Variants in SOX5 observed in about 807,000 individuals in gnomAD.
SOX5 encodes the protein transcription factor SOX-5.
In SOX5, 9 loss-of-function variants were observed where a neutral mutation model predicts 92.0. That is an observed-to-expected ratio of 0.10 (90% confidence interval 0.06 to 0.17). The LOEUF is 0.17. Among genes scored for constraint, SOX5 ranks in the 10% least tolerant of loss-of-function variants. The pLI is 1.00. For synonymous variants in SOX5, 344 were observed against 336.3 expected, an observed-to-expected ratio of 1.02 and a Z score of -0.25; for missense variants, 642 against 944.5, an observed-to-expected ratio of 0.68 and a Z score of 4.20.
intron 4 of SOX5, among the ~76,000 whole-genome samples, chr12:24,159,573 A>G (rs899452455): frequency 1.3e-5 from 2 of 152,158 alleles, no homozygotes; most frequent in Admixed American, 1.3e-4. Context: ...AATTAGGCAT[A>G]GAAATGACTT....
chr12:23,893,214 G>A (rs182099400), intron 2 of SOX5, among the ~76,000 whole-genome samples: 284 of 152,254 alleles, frequency 1.9e-3, no homozygotes, highest in South Asian at 9.1e-3. Context: ...TTGGGAGGCC[G>A]ATGTGGGCGG....
rs540374104 is a variant in SOX5, at chr12:23,777,815, C to T, written c.482-22091G>A. On this transcript the variant is annotated intron_variant, in intron 3 of 14. Coordinates refer to ENST00000451604, the MANE Select transcript of SOX5 (RefSeq NM_006940.6). ...TAAGCAGGGGAAATAATTTTATCTT[C>T]CATCACCTTCAACGTACTTGCACTG... is the stretch of plus-strand genomic sequence containing the variant. Among the ~76,000 whole-genome samples, 6 of 152,174 alleles carry T rather than the reference C, an allele frequency of 3.9e-5. No homozygotes were observed. The East Asian group carries it at 1.2e-3, about 29-fold the overall frequency.
intron 1 of SOX5, among the ~76,000 whole-genome samples, chr12:24,534,623 T>C (rs1951478227): frequency 6.6e-6 from 1 of 152,210 alleles, no homozygotes; most frequent in South Asian, 2.1e-4. Context: ...TATCCCTACA[T>C]GAGTGTACCC....
chr12:23,762,607 CA>C (rs746348722), intron 3 of SOX5: 13 of 383,818 alleles, frequency 3.4e-5, no homozygotes, highest in East Asian at 3.1e-4. Context: ...CCTGTTAATA[CA>C]AAAAGAAAAA....
chr12:24,411,170 C>G (rs1244955306), intron 1 of SOX5, among the ~76,000 whole-genome samples: 8 of 151,534 alleles, frequency 5.3e-5, no homozygotes, highest in Admixed American at 5.3e-4. Context: ...TTGCTAAACT[C>G]AAATTAGTTT....
At chr12:24,270,375 T>C (rs1943574875) in intron 3 of SOX5, among the ~76,000 whole-genome samples, 1 of 152,208 alleles carries the variant, frequency 6.6e-6, no homozygotes, top group Non-Finnish European at 1.5e-5. Flanking sequence ...GGGAACTCTT[T>C]ATAAGAACCT....
At chr12:24,043,450 T>C (rs1000244451) in intron 4 of SOX5, among the ~76,000 whole-genome samples, 1 of 152,220 alleles carries the variant, frequency 6.6e-6, no homozygotes, top group Non-Finnish European at 1.5e-5. Context: ...TAAATATATA[T>C]GCTAATGTTT....
intron 2 of SOX5, among the ~76,000 whole-genome samples, chr12:23,871,835 C>T (rs1263431362): frequency 6.6e-6 from 1 of 152,086 alleles, no homozygotes; most frequent in African/African-American, 2.4e-5. Flanking sequence ...TGGGTTCCGG[C>T]ACTGTGCCTA....
rs141403365 is a variant in SOX5 at position 24,032,269 on chromosome 12, G to GA, written c.-1-136246dup. ...GCACAAGAATAACATAAGCCATGGT[G>GA]AAAAAAAAAGGTATCATTACAAATA... is the stretch of plus-strand genomic sequence containing the variant. On this transcript the variant is annotated intron_variant, in intron 4 of 4. Transcript: ENST00000446891. Among the ~76,000 whole-genome samples the GA allele has an allele frequency of 1.9e-4, 29 of 148,960 alleles. No individual in the cohort carries two copies. In the South Asian group the frequency reaches 4.0e-3, roughly 21 times the overall value.
At chr12:24,277,762 G>A (rs942109804) in intron 2 of SOX5, among the ~76,000 whole-genome samples, 4 of 151,832 alleles carry the variant, frequency 2.6e-5, no homozygotes, top group Non-Finnish European at 4.4e-5. Context: ...GTAGATTCTT[G>A]CTGCTCGAAA....
chr12:24,138,983 C>A (rs1026258567), intron 4 of SOX5, among the ~76,000 whole-genome samples: 1 of 152,182 alleles, frequency 6.6e-6, no homozygotes, highest in African/African-American at 2.4e-5. Context: ...CTCAGATGCA[C>A]AATATATCTC....
chr12:23,899,409 G>GAA lies in SOX5; in HGVS notation c.39-3387_39-3386dup, dbSNP rs754805392. 2.7e-4 allele frequency among the ~76,000 whole-genome samples: 32 copies of GAA among 120,050 alleles called. 1 individual carries two copies. In the South Asian group the frequency reaches 3.0e-3, roughly 11 times the overall value. 78.8% of individuals were successfully genotyped at this position (120,050 alleles called of 152,430 possible). A position where few individuals can be genotyped will look rare whatever the true frequency, so the allele number is the denominator to read the frequency against. On this transcript the variant is annotated intron_variant, in intron 1 of 14. Transcript: ENST00000451604. ...AAGCAAAACTCCGTCTGAAAAAAAAGAAAAAAAAAAAAAGGCACCACAAGT... is the reference window on the plus strand; with the variant it reads ...AAGCAAAACTCCGTCTGAAAAAAAAGAAAAAAAAAAAAAAAGGCACCACAAGT...
chr12:23,904,041 T>C (rs1380820235), intron 1 of SOX5, among the ~76,000 whole-genome samples: 1 of 152,180 alleles, frequency 6.6e-6, no homozygotes, highest in Non-Finnish European at 1.5e-5. Context: ...TTTCAATTAT[T>C]ATTATATCTT....
intron 6 of SOX5, among the ~76,000 whole-genome samples, chr12:23,704,367 G>C (rs1485239320): frequency 9.9e-5 from 15 of 151,672 alleles, no homozygotes; most frequent in Admixed American, 9.9e-4. Context: ...TGCAAAATAT[G>C]CAAAATCAAT....
intron 4 of SOX5, among the ~76,000 whole-genome samples, chr12:24,207,191 C>T (rs1594262281): frequency 1.3e-5 from 2 of 152,140 alleles, no homozygotes; most frequent in Non-Finnish European, 2.9e-5. Flanking sequence ...CAGAAAGATC[C>T]TTTTCTGTTA....
intron 1 of SOX5, among the ~76,000 whole-genome samples, chr12:24,550,012 T>C (rs1953001382): frequency 6.6e-6 from 1 of 152,202 alleles, no homozygotes; most frequent in Admixed American, 6.5e-5. Flanking sequence ...TATTTTTCTA[T>C]GTTACAATGA....
At chr12:23,616,661 A>G (rs2076592336) in intron 8 of SOX5, among the ~76,000 whole-genome samples, 1 of 152,250 alleles carries the variant, frequency 6.6e-6, no homozygotes, top group Non-Finnish European at 1.5e-5. Context: ...CTTGCTATAG[A>G]TTTGTCCATA....
At chr12:23,939,757 T>C (rs1050562948) in intron 1 of SOX5, among the ~76,000 whole-genome samples, 1 of 151,008 alleles carries the variant, frequency 6.6e-6, no homozygotes, top group Non-Finnish European at 1.5e-5. Context: ...GCTTTTTAAA[T>C]GCATACTTCA....
intron 3 of SOX5, among the ~76,000 whole-genome samples, chr12:23,825,331 T>G (rs376240891): frequency 1.3e-5 from 2 of 151,738 alleles, no homozygotes; most frequent in East Asian, 3.9e-4. Context: ...GGGGAGGGAG[T>G]TCCCTGACCC....
Sources: allele counts gnomAD v4.1 joint callset (sites outside exome capture counted in the v4.1 genomes callset), GRCh38; gene constraint gnomAD v4.1.1; transcripts MANE v1.5; gene names NCBI Gene and HGNC (gene_info 2026-07-23, HGNC 2026-07-21).